ADCK1: variants seen among roughly 807,000 people sequenced by gnomAD.
ADCK1 encodes the protein aarF domain-containing protein kinase 1.
Under a neutral mutation model 52.3 loss-of-function variants are expected in ADCK1, and 41 were observed. The ratio of observed to expected loss-of-function variants is 0.78; its 90% CI spans 0.61 to 1.02. ADCK1 has a LOEUF of 1.02. Among genes scored for constraint, ADCK1 ranks in the 50% least tolerant of loss-of-function variants. ADCK1 has a pLI of 0.00. For synonymous variants in ADCK1, 250 were observed against 274.6 expected (o/e 0.91, Z 0.89); for missense variants, 658 against 679.5 (o/e 0.97, Z 0.35).
At chr14:77,892,202 C>T (rs2083296614) in intron 5 of ADCK1, among the ~76,000 whole-genome samples, 1 of 152,130 alleles carries the variant, frequency 6.6e-6, no homozygotes, top group African/African-American at 2.4e-5. Flanking sequence ...AAGAGAGTGA[C>T]TGATAGGCTT....
intron 7 of ADCK1, among the ~76,000 whole-genome samples, chr14:77,915,572 A>G (rs1380620404): frequency 6.6e-6 from 1 of 152,244 alleles, no homozygotes; most frequent in Non-Finnish European, 1.5e-5. Flanking sequence ...ATGGAATACT[A>G]TGCAGCCATA....
chr14:77,802,587 A>C (rs61990717), intron 1 of ADCK1, among the ~76,000 whole-genome samples: 15,434 of 150,962 alleles, frequency 0.1, 926 homozygotes, highest in African/African-American at 0.15. Context: ...GGATTCCTTT[A>C]TTTAATCAAC....
chr14:77,900,957 C>T (rs1027358520), intron 6 of ADCK1, among the ~76,000 whole-genome samples: 4 of 151,974 alleles, frequency 2.6e-5, no homozygotes, highest in Admixed American at 6.6e-5. Flanking sequence ...ACGGCTTCTA[C>T]ATGCTCTGAG....
Position 77,891,210 on chromosome 14 carries a change from G to A in ADCK1, c.582+3961G>A, listed in dbSNP as rs58033047. ...TCGAGGTGGGTGAAGGTTTGGAACA[G>A]CTACTGTGTGCAGTGGAAGGGAGCT... On this transcript the variant is annotated intron_variant, in intron 5 of 10. Transcript: ENST00000238561. 7.6e-3 allele frequency among the ~76,000 whole-genome samples: 1,164 copies of A among 152,298 alleles called. 20 individuals are homozygous for A. The highest frequency in any genetic ancestry group is 0.027 in the African/African-American group (1,120 of 41,556).
intron 1 of ADCK1, among the ~76,000 whole-genome samples, chr14:77,803,343 A>G (rs55636050): frequency 0.2 from 30,637 of 152,098 alleles, 3,196 homozygotes; most frequent in Non-Finnish European, 0.23. Context: ...CAAACAGGGA[A>G]AGGTGATTCC....
intron 3 of ADCK1, among the ~76,000 whole-genome samples, chr14:77,826,856 T>C (rs1440389913): frequency 1.3e-5 from 2 of 152,146 alleles, no homozygotes; most frequent in African/African-American, 4.8e-5. Flanking sequence ...GCGGAGTCTA[T>C]TCTGCCGGCC....
intron 7 of ADCK1, among the ~76,000 whole-genome samples, chr14:77,917,897 G>T (rs2083962482): frequency 6.6e-6 from 1 of 152,160 alleles, no homozygotes; most frequent in Admixed American, 6.5e-5. Flanking sequence ...TCTCCAGGAG[G>T]AGCTTCCCTG....
In ADCK1 at chr14:77,934,690, T is replaced by G. The variant is rs1308864952; in HGVS notation, c.*1299T>G. On this transcript the variant is annotated 3_prime_UTR_variant, in exon 11 of 11. Transcript: ENST00000238561. Reference sequence around the variant, plus strand: ...TCTTTGGCAGGTCCTACTGTCTGCTTTCACGGACAGTAATTGTATTTGAGC... The same window carrying G: ...TCTTTGGCAGGTCCTACTGTCTGCTGTCACGGACAGTAATTGTATTTGAGC... 1 of 152,236 alleles carries G rather than the reference T, an allele frequency of 6.6e-6. No homozygotes were observed. The highest frequency in any genetic ancestry group is 1.5e-5 in the Non-Finnish European group (1 of 68,058). 9.4% of individuals were successfully genotyped at this position (152,236 alleles called of 1,614,324 possible).
intron 4 of ADCK1, among the ~76,000 whole-genome samples, chr14:77,862,290 C>T (rs901607308): frequency 6.6e-6 from 1 of 152,194 alleles, no homozygotes; most frequent in Non-Finnish European, 1.5e-5. Flanking sequence ...CAAAAGTGAC[C>T]TCGTTCTGGA....
chr14:77,910,101 C>G (rs1457880193), intron 7 of ADCK1, among the ~76,000 whole-genome samples: 1 of 152,118 alleles, frequency 6.6e-6, no homozygotes, highest in East Asian at 1.9e-4. Flanking sequence ...ACTTAGGGAA[C>G]AGTGCTTCAA....
At chr14:77,868,957 A>G (rs983317559) in intron 4 of ADCK1, among the ~76,000 whole-genome samples, 1 of 152,102 alleles carries the variant, frequency 6.6e-6, no homozygotes, top group African/African-American at 2.4e-5. Context: ...ATGGTTGGGA[A>G]GTTCAGGGGA....
chr14:77,932,315 C>G (rs1048915990), intron 10 of ADCK1, among the ~76,000 whole-genome samples: 13 of 152,190 alleles, frequency 8.5e-5, no homozygotes, highest in Admixed American at 2.0e-4. Flanking sequence ...TCCCAAAGTC[C>G]TGGGATTACA....
In ADCK1 at chr14:77,887,133, A is replaced by T. The variant is rs1239965825; in HGVS notation, c.466A>T (p.Thr156Ser). Residue 156 changes from threonine (T) to serine (S), a missense_variant, in exon 5 of 11, where the codon ACG becomes TCG. Transcript: ENST00000238561. ...GAGCTTCGATGACACCCCTCTGGGG[A>T]CGGCCTCCCTGGCCCAGGTCCACAA... is the stretch of plus-strand genomic sequence containing the variant. ...FQSFDDTPLG[T>S]ASLAQVHKAV... The T allele has an allele frequency of 6.2e-7, 1 of 1,606,148 alleles. No individual in the cohort carries two copies. Among genetic ancestry groups the T allele is most frequent in the Admixed American group, 1.7e-5 (1 of 59,166 alleles).
intron 2 of ADCK1, among the ~76,000 whole-genome samples, chr14:77,819,806 G>T (rs1466986498): frequency 6.6e-6 from 1 of 152,144 alleles, no homozygotes; most frequent in African/African-American, 2.4e-5. Context: ...TCCTTTATCT[G>T]CTGCAGGATG....
In ADCK1 at chr14:77,813,477, AT is replaced by A. The variant is rs57076196; in HGVS notation, c.-11-5486del. Reference sequence around the variant, plus strand: ...AGGCGTGCATCACTACGCCCAGCTAATTTTTGTATTTTTAGTAGAGATGGGG... The same window carrying A: ...AGGCGTGCATCACTACGCCCAGCTAATTTTGTATTTTTAGTAGAGATGGGG... On this transcript the variant is annotated intron_variant, in intron 1 of 10. Coordinates refer to ENST00000238561, the MANE Select transcript of ADCK1 (RefSeq NM_020421.4). Among the ~76,000 whole-genome samples, 1,514 of 152,008 alleles carry A rather than the reference AT, an allele frequency of 1.0e-2. 15 individuals are homozygous for A. The highest frequency in any genetic ancestry group is 0.035 in the African/African-American group (1,438 of 41,444).
At chr14:77,810,468 A>G (rs1225898967) in intron 1 of ADCK1, among the ~76,000 whole-genome samples, 1 of 151,782 alleles carries the variant, frequency 6.6e-6, no homozygotes, top group Admixed American at 6.6e-5. Flanking sequence ...GCTCCCCTTC[A>G]TAGATAATTA....
chr14:77,929,743 C>T (rs1173258154), intron 9 of ADCK1, among the ~76,000 whole-genome samples: 10 of 152,072 alleles, frequency 6.6e-5, no homozygotes, highest in Non-Finnish European at 1.3e-4. Context: ...CTCAGCTCAC[C>T]AAAACCTCTG....
chr14:77,807,452 C>G (rs1376523169), intron 1 of ADCK1, among the ~76,000 whole-genome samples: 1 of 151,812 alleles, frequency 6.6e-6, no homozygotes, highest in Non-Finnish European at 1.5e-5. Context: ...AGTGATTCTC[C>G]TGCCTCAGCC....
At chr14:77,834,629 A>G (rs2081925059) in intron 3 of ADCK1, among the ~76,000 whole-genome samples, 1 of 152,226 alleles carries the variant, frequency 6.6e-6, no homozygotes, top group African/African-American at 2.4e-5. Flanking sequence ...TTTTGGTGGT[A>G]TGAGCCCGTT....
Sources: gnomAD v4.1 joint callset for allele counts (sites outside exome capture counted in the v4.1 genomes callset) on GRCh38, gnomAD v4.1.1 for gene constraint, MANE v1.5 for transcripts, NCBI Gene and HGNC (gene_info 2026-07-23, HGNC 2026-07-21) for gene names.